Variants in KMT2C observed in about 807,000 individuals in gnomAD.
KMT2C encodes the protein lysine methyltransferase 2C.
Under a neutral mutation model 507.9 loss-of-function variants are expected in KMT2C, and 88 were observed. The observed-to-expected ratio is 0.17, with a 90% CI of 0.15 to 0.21. KMT2C has a LOEUF of 0.21. Among genes scored for constraint, KMT2C ranks in the 10% least tolerant of loss-of-function variants. KMT2C has a pLI of 1.00. For synonymous variants in KMT2C, 2,049 were observed against 2,080.8 expected, an observed-to-expected ratio of 0.98 and a Z score of 0.42; for missense variants, 4,954 against 5,957.8, an observed-to-expected ratio of 0.83 and a Z score of 5.55.
chr7:152,232,957 A>T (rs867234149), intron 16 of KMT2C, among the ~76,000 whole-genome samples: 6 of 152,184 alleles, frequency 3.9e-5, no homozygotes, highest in Non-Finnish European at 8.8e-5. Context: ...AGCTCAAAGA[A>T]ATTGTAAAGA....
At chr7:152,156,136 C>T (rs2092029257) in intron 45 of KMT2C, 69 bp downstream of exon 45, 1 of 1,600,394 alleles carries the variant, frequency 6.2e-7, no homozygotes, top group Admixed American at 1.7e-5. Flanking sequence ...ATTCTATTGC[C>T]ATTTCACAAT....
At chr7:152,282,426 T>A (rs2096234530) in intron 6 of KMT2C, among the ~76,000 whole-genome samples, 1 of 152,200 alleles carries the variant, frequency 6.6e-6, no homozygotes, top group Non-Finnish European at 1.5e-5. Context: ...TGACCTCAAA[T>A]TGAAAGTCCT....
chr7:152,266,031 A>G (rs1251341264), intron 7 of KMT2C, among the ~76,000 whole-genome samples: 38 of 152,414 alleles, frequency 2.5e-4, no homozygotes, highest in African/African-American at 7.9e-4. Flanking sequence ...TTCTAAAATC[A>G]TACCAATCTT....
chr7:152,435,956 G>A lies in KMT2C; in HGVS notation c.-170C>T, dbSNP rs535841947. The stretch of plus-strand genomic sequence containing the variant: ...AGGTACCGGGAGAGGCGGCAACATG[G>A]AGCGAGCAGGACACGCACTCACACA... On this transcript the variant is annotated 5_prime_UTR_variant, in exon 1 of 59. Transcript: ENST00000262189. 595 of 576,590 alleles carry A rather than the reference G, an allele frequency of 1.0e-3. 1 individual carries two copies. Among genetic ancestry groups the A allele is most frequent in the Non-Finnish European group, 1.4e-3 (508 of 359,178 alleles). 35.7% of individuals were successfully genotyped at this position (576,590 alleles called of 1,614,324 possible).
Position 152,148,007 on chromosome 7 carries a change from C to G in KMT2C, c.13894+26G>C. ...CCTGACATCAGAGTAAGTAGCACTG[C>G]ACAGCATGTGAACGGCAGACGTTAC... is the stretch of plus-strand genomic sequence containing the variant. On this transcript the variant is annotated intron_variant, in intron 52 of 58. Transcript: ENST00000262189. This position sits in a 1 kb window ranked among gnomAD's most constrained non-coding sequence, Gnocchi z 7.1. 1 of 1,541,194 alleles carries G rather than the reference C, an allele frequency of 6.5e-7. No individual in the cohort carries two copies. The highest frequency in any genetic ancestry group is 8.8e-7 in the Non-Finnish European group (1 of 1,141,788).
intron 14 of KMT2C, among the ~76,000 whole-genome samples, chr7:152,244,307 C>T (rs1137878): frequency 3.9e-5 from 6 of 152,138 alleles, no homozygotes; most frequent in Admixed American, 6.5e-5. Flanking sequence ...TAAAATCTAC[C>T]GAGTTGATTA....
intron 3 of KMT2C, among the ~76,000 whole-genome samples, chr7:152,318,626 CAAAAAAA>C (rs67446037): frequency 4.2e-4 from 23 of 54,416 alleles, no homozygotes; most frequent in Non-Finnish European, 6.7e-4. Context: ...GACTCCATCT[CAAAAAAA>C]AAAAAAAAAA....
At chr7:152,252,351 G>A (rs2095575385) in intron 10 of KMT2C, among the ~76,000 whole-genome samples, 195 bp downstream of exon 10, 1 of 151,954 alleles carries the variant, frequency 6.6e-6, no homozygotes, top group South Asian at 2.1e-4. Flanking sequence ...GATGTGGTCT[G>A]GTCTTATCTT....
intron 1 of KMT2C, among the ~76,000 whole-genome samples, chr7:152,381,205 G>A (rs1482059280): frequency 1.3e-5 from 2 of 152,144 alleles, no homozygotes. Context: ...TATGTGCTAG[G>A]CACTGTTCTA....
intron 9 of KMT2C, among the ~76,000 whole-genome samples, chr7:152,259,890 A>G (rs2095739389): frequency 6.6e-6 from 1 of 152,206 alleles, no homozygotes; most frequent in African/African-American, 2.4e-5. Context: ...ACTCAAGACT[A>G]CAGAGAGAAC....
chr7:152,416,243 T>TA (rs1470714963), intron 1 of KMT2C, among the ~76,000 whole-genome samples: 1 of 152,174 alleles, frequency 6.6e-6, no homozygotes, highest in African/African-American at 2.4e-5. Flanking sequence ...CTACTAAAAA[T>TA]ACAAAAATTA....
At chr7:152,309,468 T>C (rs995612608) in intron 6 of KMT2C, among the ~76,000 whole-genome samples, 1 of 150,076 alleles carries the variant, frequency 6.7e-6, no homozygotes, top group Non-Finnish European at 1.5e-5. Context: ...GGTCTACACA[T>C]GTGCACCAGC....
chr7:152,222,402 G>A (rs2094803408), intron 21 of KMT2C, among the ~76,000 whole-genome samples, 171 bp downstream of exon 21: 1 of 152,176 alleles, frequency 6.6e-6, no homozygotes, highest in African/African-American at 2.4e-5. Context: ...TTTATAACAA[G>A]TTGTGATAAG....
intron 31 of KMT2C, among the ~76,000 whole-genome samples, chr7:152,189,203 C>T (rs140683099): frequency 2.6e-5 from 4 of 152,284 alleles, no homozygotes; most frequent in South Asian, 2.1e-4. Context: ...TTGTGAAAGT[C>T]TACTTGTCTA....
chr7:152,375,945 T>C (rs1385743039), intron 1 of KMT2C, among the ~76,000 whole-genome samples: 1 of 152,086 alleles, frequency 6.6e-6, no homozygotes, highest in Admixed American at 6.5e-5. Flanking sequence ...GCCTCATCGG[T>C]AGGTGGGACA....
chr7:152,227,400 G>A (rs570700316), intron 18 of KMT2C, among the ~76,000 whole-genome samples: 91 of 152,254 alleles, frequency 6.0e-4, no homozygotes, highest in African/African-American at 1.9e-3. Flanking sequence ...ACGGATACAC[G>A]CTTCAACTAT....
chr7:152,307,239 AAGGAAGGAAGGACGGT>A (rs2096626081), intron 6 of KMT2C, among the ~76,000 whole-genome samples: 2 of 129,430 alleles, frequency 1.5e-5, no homozygotes, highest in African/African-American at 3.8e-5. Context: ...GGAAGGAAGG[AAGGAAGGAAGGACGGT>A]AGGAAGGAAG....
intron 1 of KMT2C, among the ~76,000 whole-genome samples, 194 bp downstream of exon 1, chr7:152,435,432 G>A (rs1242057200): frequency 1.4e-5 from 2 of 147,374 alleles, no homozygotes; most frequent in Non-Finnish European, 1.5e-5. Context: ...GGCGCGGAGC[G>A]GGGGAGGCCG....
At chr7:152,398,578 ACT>A (rs1310322935) in intron 1 of KMT2C, among the ~76,000 whole-genome samples, 2 of 151,240 alleles carry the variant, frequency 1.3e-5, no homozygotes, top group African/African-American at 4.9e-5. Flanking sequence ...TAAGAGGCTC[ACT>A]CTGTCACCCA....
Sources: gnomAD v4.1 joint callset for allele counts (sites outside exome capture counted in the v4.1 genomes callset) on GRCh38, gnomAD v4.1.1 for gene constraint, Gnocchi (gnomAD v3.1) non-coding constraint, MANE v1.5 for transcripts, NCBI Gene and HGNC (gene_info 2026-07-23, HGNC 2026-07-21) for gene names.